Variants in CES5A observed in about 807,000 individuals in gnomAD.
The protein encoded by CES5A is carboxylesterase 5.
Under a neutral mutation model 62.9 loss-of-function variants are expected in CES5A, and 67 were observed. The observed-to-expected ratio is 1.07, with a 90% confidence interval of 0.88 to 1.31. The LOEUF (loss-of-function observed/expected upper bound fraction) is 1.31. CES5A is among the 50% of genes most tolerant of loss of function. CES5A has a pLI of 0.00. For missense variants in CES5A, 748 were observed against 708.5 expected (o/e 1.06, Z -0.63); for synonymous variants, 296 against 280.8 (o/e 1.05, Z -0.54).
At chr16:55,923,739 G>C (rs1028125509) in intron 1 of CES5A, among the ~76,000 whole-genome samples, 5 of 151,652 alleles carry the variant, frequency 3.3e-5, no homozygotes, top group Non-Finnish European at 7.4e-5. Context: ...CCATATCACT[G>C]AAGAACTTAG....
At chr16:55,896,842 T>C (rs1486743255) in intron 1 of CES5A, among the ~76,000 whole-genome samples, 1 of 152,162 alleles carries the variant, frequency 6.6e-6, no homozygotes, top group Non-Finnish European at 1.5e-5. Flanking sequence ...TTTAGAAAAG[T>C]TATTATCTTG....
intron 1 of CES5A, among the ~76,000 whole-genome samples, chr16:55,888,360 A>G (rs2142430556): frequency 6.6e-6 from 1 of 152,316 alleles, no homozygotes; most frequent in Admixed American, 6.5e-5. Context: ...ACAAGTTAGC[A>G]CAGAAGGAGC....
At chr16:55,917,859 TCC>T (rs2034163200) in intron 1 of CES5A, among the ~76,000 whole-genome samples, 1 of 152,140 alleles carries the variant, frequency 6.6e-6, no homozygotes, top group African/African-American at 2.4e-5. Flanking sequence ...GAATTGATTT[TCC>T]CCATCCCAAA....
chr16:55,854,946 T>G (rs2033210325), intron 9 of CES5A, among the ~76,000 whole-genome samples: 1 of 152,222 alleles, frequency 6.6e-6, no homozygotes, highest in African/African-American at 2.4e-5. Flanking sequence ...CATTCTCTCC[T>G]GCTGCAGCCA....
At chr16:55,871,513 C>T (rs908969354) in intron 3 of CES5A, 112 bp downstream of exon 3, 35 of 1,199,170 alleles carry the variant, frequency 2.9e-5, no homozygotes, top group Non-Finnish European at 3.8e-5. Flanking sequence ...GATTACATTT[C>T]CCTTTTACCC....
In CES5A at chr16:55,886,904, T is replaced by C. The variant is rs538157567; in HGVS notation, c.-255-12867A>G. The stretch of plus-strand genomic sequence containing the variant: ...AATCACATCAACAAAATGGAGCTAT[T>C]TTGTGGTTAAGGATGGGTCTGTGAA... On this transcript the variant is annotated intron_variant, in intron 1 of 12. Coordinates refer to the CES5A transcript ENST00000518005. Among the ~76,000 whole-genome samples the C allele has an allele frequency of 2.0e-5, 3 of 152,126 alleles. No homozygotes were observed. In the East Asian group the frequency reaches 5.8e-4, roughly 30 times the overall value.
intron 1 of CES5A, among the ~76,000 whole-genome samples, chr16:55,883,510 T>G (rs1414180562): frequency 6.6e-6 from 1 of 152,214 alleles, no homozygotes; most frequent in Non-Finnish European, 1.5e-5. Flanking sequence ...CTTGACCTCA[T>G]GATCCTCCCA....
At chr16:55,896,811 T>C (rs1213889036) in intron 1 of CES5A, among the ~76,000 whole-genome samples, 6 of 152,230 alleles carry the variant, frequency 3.9e-5, no homozygotes, top group African/African-American at 1.4e-4. Context: ...TTTAGCCTCA[T>C]TTTAAATATC....
chr16:55,867,772 A>G (rs757653980), intron 4 of CES5A, among the ~76,000 whole-genome samples: 1 of 152,206 alleles, frequency 6.6e-6, no homozygotes, highest in East Asian at 1.9e-4. Flanking sequence ...CTTTGCCTCA[A>G]TGCTTCTCAT....
chr16:55,945,217 G>T (rs1048817276), intron 2 of CES5A, among the ~76,000 whole-genome samples: 27 of 148,550 alleles, frequency 1.8e-4, no homozygotes, highest in Admixed American at 1.7e-3. Context: ...TTGGAATGGG[G>T]TCTAGCACTT....
At chr16:55,890,167 T>A (rs1310937733) in intron 1 of CES5A, among the ~76,000 whole-genome samples, 2 of 151,294 alleles carry the variant, frequency 1.3e-5, no homozygotes, top group African/African-American at 4.9e-5. Context: ...AGAAAAGGTA[T>A]GGGAAGGTAG....
In CES5A at chr16:55,852,971, A is replaced by C. The variant is rs776106160; in HGVS notation, c.1183T>G (p.Ser395Ala). The C allele has an allele frequency of 6.2e-7, 1 of 1,614,172 alleles. No individual in the cohort carries two copies. Residue 395 changes from serine to alanine, a missense_variant, in exon 10 of 13, where the codon TCC (serine) becomes GCC (alanine). Coordinates refer to ENST00000290567, the MANE Select transcript of CES5A (RefSeq NM_001143685.2). Reference protein sequence around the residue: ...VANEYFHDKHSLTEIRDSLLD... With the variant: ...VANEYFHDKHALTEIRDSLLD... ...AGACTGTCTCGGATTTCAGTCAGGG[A>C]GTGCTTGTCATGGAAGTATTCATTA...
chr16:55,873,512 TA>T (rs1317182587), intron 2 of CES5A, among the ~76,000 whole-genome samples: 1 of 151,938 alleles, frequency 6.6e-6, no homozygotes. Context: ...TCAGCACTTC[TA>T]AAAAAAACTG....
intron 1 of CES5A, among the ~76,000 whole-genome samples, chr16:55,903,486 G>A (rs1484575595): frequency 1.3e-5 from 2 of 152,182 alleles, no homozygotes; most frequent in African/African-American, 2.4e-5. Flanking sequence ...TTTTGAGTGA[G>A]GAGACCTAGG....
chr16:55,950,521 T>C (rs1315668524), intron 1 of CES5A, among the ~76,000 whole-genome samples: 1 of 151,570 alleles, frequency 6.6e-6, no homozygotes, highest in East Asian at 1.9e-4. Flanking sequence ...TAAGAGAAAA[T>C]GACTGAACTG....
chr16:55,872,676 T>G (rs141963847), intron 2 of CES5A, among the ~76,000 whole-genome samples: 1 of 152,332 alleles, frequency 6.6e-6, no homozygotes, highest in East Asian at 1.9e-4. Flanking sequence ...TGTTTATGCC[T>G]CCTTGCCCCT....
Position 55,846,547 on chromosome 16 carries a change from G to A in CES5A, c.1632C>T (p.Pro544=), listed in dbSNP as rs146255658. Residue 544 remains proline (P), a synonymous_variant, in exon 13 of 13, where the codon CCC becomes CCT. Transcript: ENST00000290567. ...GCATGTCGGAGGCAGACAGGATCAG[G>A]GGGATGGTGCTGGTCCAAAAATCCA... The part of the protein sequence containing the change: ...PRVDFWTSTI[P]LILSASDMLH... The A allele has an allele frequency of 6.2e-7, 1 of 1,614,044 alleles. No homozygotes were observed. Among genetic ancestry groups the A allele is most frequent in the African/African-American group, 1.3e-5 (1 of 74,910 alleles).
upstream of CES5A, among the ~76,000 whole-genome samples, chr16:55,879,209 T>C (rs1368606296): frequency 7.2e-6 from 1 of 138,214 alleles, no homozygotes; most frequent in African/African-American, 2.7e-5. Flanking sequence ...TATAGTCCAT[T>C]GCTGCACTCC....
At chr16:55,943,242 C>T (rs113507509) in intron 2 of CES5A, among the ~76,000 whole-genome samples, 2 of 152,354 alleles carry the variant, frequency 1.3e-5, no homozygotes, top group African/African-American at 4.8e-5. Context: ...ATCCATTCCC[C>T]TATTCCCTCC....
Sources: allele counts gnomAD v4.1 joint callset (sites outside exome capture counted in the v4.1 genomes callset), GRCh38; gene constraint gnomAD v4.1.1; transcripts MANE v1.5; gene names NCBI Gene and HGNC (gene_info 2026-07-23, HGNC 2026-07-21).